CADPS: variants seen among roughly 807,000 people sequenced by gnomAD.
CADPS encodes the protein calcium-dependent secretion activator 1.
In CADPS, 57 loss-of-function variants were observed where a neutral mutation model predicts 167.3. The observed-to-expected ratio is 0.34, with a 90% confidence interval of 0.28 to 0.42. CADPS has a LOEUF of 0.42. Ranked by LOEUF, CADPS falls within the 20% of genes least tolerant of loss-of-function variation. The pLI is 1.00. For missense variants in CADPS, 1,414 were observed against 1,738.1 expected (o/e 0.81, Z 3.32); for synonymous variants, 676 against 635.3 (o/e 1.06, Z -0.96).
intron 12 of CADPS, among the ~76,000 whole-genome samples, chr3:62,535,223 T>G (rs561748761): frequency 6.4e-4 from 96 of 150,628 alleles, no homozygotes; most frequent in Non-Finnish European, 1.2e-3. Context: ...TAAGCTTTTT[T>G]CTTTTTCTTT....
Position 62,449,998 on chromosome 3 carries a change from A to G in CADPS, c.3637-4201T>C, listed in dbSNP as rs140596439. On this transcript the variant is annotated intron_variant, in intron 26 of 29. Transcript: ENST00000383710. ...GTAATAACGCTACTCAAAGGGTTCA[A>G]CTAAATGTAGCTGTGCTTATCATCA... Among the ~76,000 whole-genome samples the G allele has an allele frequency of 5.3e-5, 8 of 152,292 alleles. No homozygotes were observed. In the East Asian group the frequency reaches 1.2e-3, roughly 22 times the overall value.
intron 9 of CADPS, among the ~76,000 whole-genome samples, chr3:62,564,308 G>A (rs1428942207): frequency 2.0e-5 from 3 of 152,016 alleles, no homozygotes; most frequent in African/African-American, 7.2e-5. Context: ...GCCTGTGTTA[G>A]GTTTCATATT....
intron 3 of CADPS, among the ~76,000 whole-genome samples, chr3:62,668,281 T>A (rs373815113): frequency 6.6e-6 from 1 of 152,356 alleles, no homozygotes; most frequent in South Asian, 2.1e-4. Context: ...ACTAAAGTGA[T>A]AGTGATCCAG....
At chr3:62,795,038 A>T (rs2093304572) in intron 1 of CADPS, among the ~76,000 whole-genome samples, 1 of 151,948 alleles carries the variant, frequency 6.6e-6, no homozygotes, top group Non-Finnish European at 1.5e-5. Flanking sequence ...CCCACAAGCC[A>T]CTCATGTTTA....
chr3:62,746,252 C>T (rs1016662598), intron 3 of CADPS, among the ~76,000 whole-genome samples: 1 of 152,128 alleles, frequency 6.6e-6, no homozygotes, highest in Non-Finnish European at 1.5e-5. Context: ...GGAGATTTTA[C>T]AGATGTAAAA....
chr3:62,448,034 C>G (rs1043045472), intron 26 of CADPS, among the ~76,000 whole-genome samples: 1 of 152,150 alleles, frequency 6.6e-6, no homozygotes, highest in African/African-American at 2.4e-5. Flanking sequence ...GAACGTAAAA[C>G]CCATAGAATT....
intron 27 of CADPS, chr3:62,439,326 C>T (rs143981814): frequency 2.6e-4 from 40 of 151,510 alleles, no homozygotes; most frequent in African/African-American, 8.9e-4. Context: ...TTTTTTTTTC[C>T]TGATACAAAG....
chr3:62,695,521 C>T (rs902732784), intron 3 of CADPS, among the ~76,000 whole-genome samples: 2 of 151,980 alleles, frequency 1.3e-5, no homozygotes, highest in African/African-American at 4.8e-5. Context: ...ATTTACCTGA[C>T]TATCCTCTCT....
At chr3:62,443,685 G>A (rs549660418) in intron 27 of CADPS, among the ~76,000 whole-genome samples, 1 of 152,218 alleles carries the variant, frequency 6.6e-6, no homozygotes, top group South Asian at 2.1e-4. Context: ...TGTGAAGAAG[G>A]ACGTGTTTGC....
intron 3 of CADPS, among the ~76,000 whole-genome samples, chr3:62,740,528 C>T (rs1046440949): frequency 2.6e-5 from 4 of 152,144 alleles, no homozygotes; most frequent in Admixed American, 6.6e-5. Flanking sequence ...AAAGAAGATA[C>T]CAGACATCTC....
chr3:62,407,628 A>C (rs1709002230), intron 28 of CADPS, among the ~76,000 whole-genome samples: 1 of 152,202 alleles, frequency 6.6e-6, no homozygotes, highest in Non-Finnish European at 1.5e-5. Context: ...AAAAGAAATC[A>C]TGTATGTGGA....
chr3:62,600,640 A>G (rs1323245174), intron 6 of CADPS, among the ~76,000 whole-genome samples: 1 of 152,164 alleles, frequency 6.6e-6, no homozygotes, highest in East Asian at 1.9e-4. Context: ...CTGAATGTCT[A>G]CTGTGTGCAA....
rs370201230 is a variant in CADPS, at chr3:62,399,133, C to T, written c.*273G>A. 19 of 344,602 alleles carry T rather than the reference C, an allele frequency of 5.5e-5. No homozygotes were observed. The highest frequency in any genetic ancestry group is 2.8e-4 in the East Asian group (5 of 17,810). The allele number at this position is 344,602 out of a possible 1,614,324, so 21.3% of individuals were successfully genotyped here. On this transcript the variant is annotated 3_prime_UTR_variant, in exon 30 of 30. Coordinates refer to ENST00000383710, the MANE Select transcript of CADPS (RefSeq NM_003716.4). The surrounding 1 kb of genome is among the most constrained non-coding windows in gnomAD (Gnocchi z 5.6). ...TTGATCTTTGCTGATAACAGGGACA[C>T]GCCTAGTGGTTAGACTATGTATTCT...
At chr3:62,798,294 A>G (rs1323769621) in intron 1 of CADPS, among the ~76,000 whole-genome samples, 1 of 152,130 alleles carries the variant, frequency 6.6e-6, no homozygotes, top group Non-Finnish European at 1.5e-5. Flanking sequence ...TGGCTAAGAT[A>G]AAGCAGGCAG....
chr3:62,658,489 C>T (rs377394498), intron 4 of CADPS, among the ~76,000 whole-genome samples: 41 of 152,240 alleles, frequency 2.7e-4, no homozygotes, highest in African/African-American at 9.6e-4. Flanking sequence ...ATTAGAGAAC[C>T]TTGGTCAGAT....
chr3:62,678,460 T>G (rs2076651339), intron 3 of CADPS, among the ~76,000 whole-genome samples: 2 of 152,142 alleles, frequency 1.3e-5, no homozygotes, highest in Non-Finnish European at 2.9e-5. Context: ...AAGAAAAAAT[T>G]AATGCTTGAT....
intron 1 of CADPS, among the ~76,000 whole-genome samples, chr3:62,802,041 G>A (rs1431233170): frequency 1.3e-5 from 2 of 152,016 alleles, no homozygotes; most frequent in African/African-American, 4.8e-5. Context: ...GAAAGATTCA[G>A]ATTGGCAGCT....
chr3:62,477,573 T>C (rs1425568522), intron 23 of CADPS, among the ~76,000 whole-genome samples: 9 of 152,312 alleles, frequency 5.9e-5, no homozygotes, highest in East Asian at 1.9e-4. Context: ...ATGAATGTTG[T>C]CCTCATTTTT....
chr3:62,588,876 C>CT (rs1036893776), intron 7 of CADPS, among the ~76,000 whole-genome samples: 1 of 151,900 alleles, frequency 6.6e-6, no homozygotes, highest in Non-Finnish European at 1.5e-5. Flanking sequence ...TCCAACTGTG[C>CT]TTTTTTTAAA....
Sources: allele counts gnomAD v4.1 joint callset (sites outside exome capture counted in the v4.1 genomes callset), GRCh38; gene constraint gnomAD v4.1.1; non-coding constraint Gnocchi (gnomAD v3.1); transcripts MANE v1.5; gene names NCBI Gene and HGNC (gene_info 2026-07-23, HGNC 2026-07-21).